ITGA2: variants seen among roughly 807,000 people sequenced by gnomAD.
The protein encoded by ITGA2 is integrin alpha-2.
In ITGA2, 101 loss-of-function variants were observed where a neutral mutation model predicts 146.3. The ratio of observed to expected loss-of-function variants is 0.69; its 90% CI spans 0.59 to 0.81. ITGA2 has a LOEUF of 0.81. Ranked by LOEUF, ITGA2 falls within the 40% of genes least tolerant of loss-of-function variation. ITGA2 has a pLI of 0.00. For synonymous variants in ITGA2, 477 were observed against 487.1 expected (o/e 0.98, Z 0.27); for missense variants, 1,281 against 1,402.7 (o/e 0.91, Z 1.39).
chr5:53,065,981 A>G lies in ITGA2; in HGVS notation c.1943+4A>G. 6.2e-7 allele frequency: 1 copy of G among 1,611,698 alleles called. No homozygotes were observed. The highest frequency in any genetic ancestry group is 8.5e-7 in the Non-Finnish European group (1 of 1,178,374). On this transcript the variant is annotated splice_donor_region_variant and intron_variant, in intron 15 of 29. Transcript: ENST00000296585. ...TTGGACAAGTGGTTCAACTCTGGTG[A>G]GTCAGGAAGAGCCAGACACAAACTA...
At position 53,061,021 on chromosome 5, in the gene ITGA2, T is replaced by A; in HGVS notation, c.1433T>A (p.Val478Asp). 1 of 1,612,254 alleles carries A rather than the reference T, an allele frequency of 6.2e-7. No individual in the cohort carries two copies. The highest frequency in any genetic ancestry group is 8.5e-7 in the Non-Finnish European group (1 of 1,178,802). Residue 478 changes from valine (V) to aspartate (D), a missense_variant, in exon 12 of 30, where the codon GTT (valine) becomes GAT (aspartate). By Grantham distance (152) the Val-to-Asp change is radical. Around this residue, in one of 3 missense-constraint regions of ITGA2, gnomAD observed 795 missense variants for 841.7 expected, o/e 0.94. Coordinates refer to ENST00000296585, the MANE Select transcript of ITGA2 (RefSeq NM_002203.4). ...YSVNENGNIT[V>D]IQAHRGDQIG... is the part of the protein sequence containing the mutation. ...GTGAATGAGAATGGCAATATCACGG[T>A]TATTCAGGCTCACCGAGGTGACCAG...
At chr5:53,082,139 G>A (rs939765855) in intron 26 of ITGA2, among the ~76,000 whole-genome samples, 1 of 152,146 alleles carries the variant, frequency 6.6e-6, no homozygotes, top group African/African-American at 2.4e-5. Context: ...ATATGCTGCT[G>A]CACTTCTCTG....
intron 16 of ITGA2, among the ~76,000 whole-genome samples, chr5:53,069,643 G>C (rs530286293): frequency 2.0e-5 from 3 of 152,010 alleles, no homozygotes; most frequent in African/African-American, 7.2e-5. Context: ...ACTTATTCTA[G>C]TACATTATTT....
chr5:53,055,873 T>G, intron 8 of ITGA2, 111 bp from the exon 9 acceptor site: 2 of 1,277,458 alleles, frequency 1.6e-6, no homozygotes, highest in South Asian at 2.5e-5. Context: ...ATGGAAATGT[T>G]GCTTGATTTA....
intron 25 of ITGA2, 120 bp downstream of exon 25, chr5:53,080,741 T>C (rs1745883728): frequency 1.3e-5 from 10 of 763,248 alleles, no homozygotes; most frequent in Non-Finnish European, 2.3e-5. Flanking sequence ...CTATGCAGCC[T>C]GGGTGCCAAC....
intron 1 of ITGA2, among the ~76,000 whole-genome samples, chr5:52,989,890 G>A (rs1377535241): frequency 6.6e-6 from 1 of 151,622 alleles, no homozygotes; most frequent in Non-Finnish European, 1.5e-5. Context: ...CGGGTGTCCT[G>A]GAGACCGCGA....
At chr5:52,993,758 G>C (rs550598888) in intron 1 of ITGA2, among the ~76,000 whole-genome samples, 1 of 152,256 alleles carries the variant, frequency 6.6e-6, no homozygotes, top group East Asian at 1.9e-4. Context: ...GGAAGAATGG[G>C]GAAAATATTT....
At chr5:53,073,675 A>G in intron 20 of ITGA2, among the ~76,000 whole-genome samples, 1 of 151,866 alleles carries the variant, frequency 6.6e-6, no homozygotes, top group Non-Finnish European at 1.5e-5. Flanking sequence ...CATTGACTTG[A>G]TCATTATACC....
chr5:53,070,524 C>T (rs1220503773), intron 17 of ITGA2, among the ~76,000 whole-genome samples: 1 of 151,904 alleles, frequency 6.6e-6, no homozygotes, highest in Non-Finnish European at 1.5e-5. Flanking sequence ...ATCATAGATA[C>T]AGTGTTTTCT....
chr5:53,080,423 T>A, intron 24 of ITGA2, 88 bp from the exon 25 acceptor site: 1 of 955,160 alleles, frequency 1.0e-6, no homozygotes, highest in Non-Finnish European at 1.7e-6. Flanking sequence ...ACCTCGTAGT[T>A]GCCCTTCATC....
intron 23 of ITGA2, among the ~76,000 whole-genome samples, chr5:53,078,130 G>A (rs904722229): frequency 3.5e-4 from 53 of 152,060 alleles, no homozygotes; most frequent in Non-Finnish European, 7.4e-5. Context: ...AAGCAAAGAA[G>A]TTAAGATCAA....
intron 2 of ITGA2, among the ~76,000 whole-genome samples, chr5:53,036,280 C>A (rs918238354): frequency 6.6e-6 from 1 of 152,138 alleles, no homozygotes; most frequent in Admixed American, 6.6e-5. Context: ...GTGTGGCCTT[C>A]AAAATTCTTC....
intron 7 of ITGA2, among the ~76,000 whole-genome samples, chr5:53,053,408 C>A (rs1343935234): frequency 3.3e-5 from 5 of 152,124 alleles, no homozygotes; most frequent in Admixed American, 3.3e-4. Context: ...GTGAAGCGCC[C>A]TTTCTGGACA....
chr5:53,058,688 AAAAG>A (rs1267612164), intron 10 of ITGA2, among the ~76,000 whole-genome samples: 3 of 151,852 alleles, frequency 2.0e-5, no homozygotes, highest in Non-Finnish European at 1.5e-5. Flanking sequence ...GGCGAAAAAA[AAAAG>A]AAAGAGATCC....
chr5:53,048,505 A>C lies in ITGA2; in HGVS notation c.502+28A>C, dbSNP rs867915252. The C allele has an allele frequency of 1.1e-5, 18 of 1,610,592 alleles. No homozygotes were observed. In the Middle Eastern group the frequency reaches 1.8e-3, roughly 162 times the overall value. On this transcript the variant is annotated intron_variant, in intron 5 of 29. Coordinates refer to ENST00000296585, the MANE Select transcript of ITGA2 (RefSeq NM_002203.4). ...AAGTTATTAATGTGCAGATGGTCTG[A>C]GCAATGCCTTACAGTTAAAGGAGGG...
At chr5:53,051,363 A>G in intron 6 of ITGA2, 48 bp from the exon 7 acceptor site, 1 of 1,585,686 alleles carries the variant, frequency 6.3e-7, no homozygotes, top group Non-Finnish European at 8.7e-7. Context: ...AGTAGAAATT[A>G]TTTTTAATGT....
At chr5:53,067,629 A>G (rs909856475) in intron 16 of ITGA2, among the ~76,000 whole-genome samples, 16 of 151,962 alleles carry the variant, frequency 1.1e-4, no homozygotes, top group Non-Finnish European at 2.2e-4. Flanking sequence ...CATGATCTAT[A>G]TAGGACAGGT....
chr5:53,066,354 G>T (rs1027529902), intron 15 of ITGA2, among the ~76,000 whole-genome samples: 1 of 151,788 alleles, frequency 6.6e-6, no homozygotes, highest in African/African-American at 2.4e-5. Context: ...CACAAGTAAA[G>T]TGTAACTTCT....
At position 53,090,719 on chromosome 5, in the gene ITGA2, G is replaced by T. The variant is rs1740373747; in HGVS notation, c.*120G>T. 1 of 710,644 alleles carries T rather than the reference G, an allele frequency of 1.4e-6. No homozygotes were observed. The highest frequency in any genetic ancestry group is 2.2e-5 in the Admixed American group (1 of 45,490). 44.0% of individuals were successfully genotyped at this position (710,644 alleles called of 1,614,324 possible). A position where few individuals can be genotyped will look rare whatever the true frequency, so the allele number is the denominator to read the frequency against. On this transcript the variant is annotated 3_prime_UTR_variant, in exon 30 of 30. Coordinates refer to ENST00000296585, the MANE Select transcript of ITGA2 (RefSeq NM_002203.4). ...TATCATGTCGTAGGTAAACTAACCTGGTATTTTAAGAGAAAACTGCAGGTC... is the reference window on the plus strand; with the variant it reads ...TATCATGTCGTAGGTAAACTAACCTTGTATTTTAAGAGAAAACTGCAGGTC...
Sources: gnomAD v4.1 joint callset for allele counts (sites outside exome capture counted in the v4.1 genomes callset) on GRCh38, gnomAD v4.1.1 for gene constraint, gnomAD v4.1.1 regional missense constraint, MANE v1.5 for transcripts, NCBI Gene and HGNC (gene_info 2026-07-23, HGNC 2026-07-21) for gene names.